The following EYS variants were observed in gnomAD, a reference collection of about 807,000 sequenced individuals.
EYS encodes the protein protein eyes shut homolog.
EYS carries 250 observed loss-of-function variants against 282.1 expected under a neutral mutation model. The observed-to-expected ratio is 0.89, with a 90% CI of 0.80 to 0.98. EYS has a LOEUF of 0.98. EYS is among the 50% of genes least tolerant of loss of function. The probability of loss-of-function intolerance (pLI) is 0.00; values close to 1 mark genes in which losing one functional copy is unlikely to be tolerated. For missense variants in EYS, 4,016 were observed against 3,709.0 expected (o/e 1.08, Z -2.15); for synonymous variants, 1,355 against 1,282.9 (o/e 1.06, Z -1.20).
intron 26 of EYS, among the ~76,000 whole-genome samples, chr6:64,549,207 C>T (rs1764983690): frequency 6.6e-6 from 1 of 152,160 alleles, no homozygotes; most frequent in South Asian, 2.1e-4. Context: ...AGATACTCAT[C>T]CACTCAGTAC....
At chr6:64,674,882 T>C (rs1218450843) in intron 22 of EYS, among the ~76,000 whole-genome samples, 1 of 152,144 alleles carries the variant, frequency 6.6e-6, no homozygotes, top group African/African-American at 2.4e-5. Context: ...GTTTTAACGC[T>C]TGAAAACTTT....
intron 2 of EYS, among the ~76,000 whole-genome samples, chr6:65,633,624 A>G (rs1248046093): frequency 6.6e-6 from 1 of 152,146 alleles, no homozygotes; most frequent in Non-Finnish European, 1.5e-5. Context: ...TCTACAGTTT[A>G]CTGAGATAAT....
intron 31 of EYS, among the ~76,000 whole-genome samples, chr6:64,143,341 C>T (rs1290586267): frequency 8.8e-6 from 1 of 113,756 alleles, no homozygotes; most frequent in Non-Finnish European, 1.7e-5. Context: ...TGTGTAAATG[C>T]AGGTTCATTT....
chr6:63,950,598 G>A (rs1765552716), intron 35 of EYS, among the ~76,000 whole-genome samples: 2 of 152,082 alleles, frequency 1.3e-5, no homozygotes, highest in Admixed American at 1.3e-4. Flanking sequence ...GTGACATTTG[G>A]TGCCCTGACT....
intron 22 of EYS, among the ~76,000 whole-genome samples, chr6:64,728,244 T>A (rs1162387750): frequency 1.3e-5 from 2 of 151,652 alleles, no homozygotes; most frequent in African/African-American, 4.9e-5. Flanking sequence ...CAGTGTTTTT[T>A]TGTTTTGTTT....
intron 12 of EYS, among the ~76,000 whole-genome samples, chr6:65,225,532 G>T (rs567085767): frequency 1.3e-5 from 2 of 151,544 alleles, no homozygotes; most frequent in South Asian, 4.2e-4. Context: ...TGGCCAACAT[G>T]GTGAAACCCC....
Position 65,353,577 on chromosome 6 carries a change from A to C in EYS, c.1340T>G (p.Phe447Cys). 6.2e-7 allele frequency: 1 copy of C among 1,613,256 alleles called. No homozygotes were observed. The highest frequency in any genetic ancestry group is 8.5e-7 in the Non-Finnish European group (1 of 1,179,458). Residue 447 changes from phenylalanine to cysteine, a missense_variant, in exon 9 of 43, where the codon TTT (phenylalanine) becomes TGT (cysteine). Coordinates refer to ENST00000503581, the MANE Select transcript of EYS (RefSeq NM_001142800.2). ...IPGCTKNPCWFLKNVYLIHQH... is the reference protein window; with the variant it reads ...IPGCTKNPCWCLKNVYLIHQH... ...ATGAATTAGGTAAACATTCTTCAAA[A>C]ACCAACATGGATTTTTTGTGCACCC...
chr6:64,668,543 C>CTTTT (rs35765768), intron 22 of EYS, among the ~76,000 whole-genome samples: 27 of 76,136 alleles, frequency 3.5e-4, no homozygotes, highest in South Asian at 5.7e-4. Context: ...TACCACAATT[C>CTTTT]TTTTTTTTTT....
chr6:64,019,498 T>C (rs9353439), intron 33 of EYS, among the ~76,000 whole-genome samples: 47,150 of 151,276 alleles, frequency 0.31, 7,591 homozygotes, highest in South Asian at 0.4. Flanking sequence ...ACAACCCCTG[T>C]CTCCTGGATT....
intron 22 of EYS, among the ~76,000 whole-genome samples, chr6:64,713,581 A>T (rs1395543384): frequency 6.6e-6 from 1 of 152,102 alleles, no homozygotes; most frequent in African/African-American, 2.4e-5. Context: ...AGCTTGCATC[A>T]GGCGCCCTAG....
chr6:64,083,853 T>A (rs1449661617), intron 31 of EYS, among the ~76,000 whole-genome samples: 1 of 152,216 alleles, frequency 6.6e-6, no homozygotes, highest in Admixed American at 6.5e-5. Context: ...TTCTCCTGCC[T>A]CAGCCTCCTG....
chr6:64,144,331 G>A (rs1261050721), intron 31 of EYS, among the ~76,000 whole-genome samples: 1 of 152,140 alleles, frequency 6.6e-6, no homozygotes, highest in African/African-American at 2.4e-5. Context: ...GTTTCACAAA[G>A]CCATGACTAG....
intron 1 of EYS, among the ~76,000 whole-genome samples, chr6:65,697,198 A>T (rs1287102931): frequency 6.6e-6 from 1 of 152,094 alleles, no homozygotes; most frequent in Non-Finnish European, 1.5e-5. Flanking sequence ...AATAATTAAA[A>T]TGATATAGAT....
chr6:64,558,560 A>C (rs1257284621), intron 26 of EYS, among the ~76,000 whole-genome samples: 1 of 152,116 alleles, frequency 6.6e-6, no homozygotes, highest in East Asian at 1.9e-4. Context: ...CAAAAAAAAC[A>C]CAAACTAATT....
intron 26 of EYS, among the ~76,000 whole-genome samples, chr6:64,440,973 T>G (rs2150467912): frequency 6.6e-6 from 1 of 152,234 alleles, no homozygotes; most frequent in South Asian, 2.1e-4. Flanking sequence ...ACAGCCCCTA[T>G]CGGAACATGA....
chr6:63,881,995 A>G (rs1773145056), intron 35 of EYS, among the ~76,000 whole-genome samples: 1 of 152,208 alleles, frequency 6.6e-6, no homozygotes, highest in African/African-American at 2.4e-5. Context: ...CTGTGTCAGC[A>G]TTTTCCTGAA....
chr6:64,985,844 T>C (rs1270912412), intron 14 of EYS, among the ~76,000 whole-genome samples: 3 of 151,384 alleles, frequency 2.0e-5, no homozygotes. Context: ...AGAAGATTTG[T>C]ATAAAAACTA....
intron 12 of EYS, among the ~76,000 whole-genome samples, chr6:65,074,768 A>G (rs1773997367): frequency 6.6e-6 from 1 of 152,022 alleles, no homozygotes; most frequent in Non-Finnish European, 1.5e-5. Context: ...ATCTAGGAAC[A>G]TAATTGACTG....
rs145168912 is a variant in EYS, at chr6:63,858,155, G to A, written c.7228+6031C>T. On this transcript the variant is annotated intron_variant, in intron 36 of 42. Coordinates refer to ENST00000503581, the MANE Select transcript of EYS (RefSeq NM_001142800.2). ...GCCAAAACTATTAAGAATTTTAAAT[G>A]TGACAATTTTCCTGGTATCAATAAA... Among the ~76,000 whole-genome samples, 13 of 152,248 alleles carry A rather than the reference G, an allele frequency of 8.5e-5. No homozygotes were observed. In the East Asian group the frequency reaches 2.1e-3, roughly 25 times the overall value.
Sources: allele counts gnomAD v4.1 joint callset (sites outside exome capture counted in the v4.1 genomes callset), GRCh38; gene constraint gnomAD v4.1.1; transcripts MANE v1.5; gene names NCBI Gene and HGNC (gene_info 2026-07-23, HGNC 2026-07-21).